DSE: variants seen among roughly 807,000 people sequenced by gnomAD.
DSE encodes dermatan sulfate epimerase.
A neutral mutation model predicts 84.4 loss-of-function variants in DSE; 36 were observed. The ratio of observed to expected loss-of-function variants is 0.43; its 90% confidence interval spans 0.33 to 0.56. DSE has a LOEUF of 0.56. Among genes scored for constraint, DSE ranks in the 20% least tolerant of loss-of-function variants. The pLI is 0.06. For missense variants in DSE, 862 were observed against 1,169.6 expected, an observed-to-expected ratio of 0.74 and a Z score of 3.84; for synonymous variants, 410 against 430.1, an observed-to-expected ratio of 0.95 and a Z score of 0.58.
intron 2 of DSE, among the ~76,000 whole-genome samples, chr6:116,271,100 G>C (rs1014212511): frequency 6.6e-6 from 1 of 152,154 alleles, no homozygotes; most frequent in African/African-American, 2.4e-5. Flanking sequence ...TAATAATATA[G>C]GTAAATGTCT....
At chr6:116,259,155 G>C in intron 2 of DSE, 1 of 981,836 alleles carries the variant, frequency 1.0e-6, no homozygotes, top group East Asian at 2.6e-5. Flanking sequence ...GCTCGACGTA[G>C]ACCATGCGCC....
At chr6:116,282,126 A>G (rs1773580903) in intron 2 of DSE, among the ~76,000 whole-genome samples, 1 of 152,210 alleles carries the variant, frequency 6.6e-6, no homozygotes, top group Non-Finnish European at 1.5e-5. Context: ...AGTCAAGGTA[A>G]TCATTTCAGG....
chr6:116,279,648 A>G (rs1425386245), intron 2 of DSE: 13 of 1,605,604 alleles, frequency 8.1e-6, no homozygotes, highest in Non-Finnish European at 1.1e-5. Flanking sequence ...AAGGCGGTGG[A>G]GGCGGGAGCG....
chr6:116,299,547 TATATACACATACACACACACAC>T (rs1774897793), intron 2 of DSE, among the ~76,000 whole-genome samples: 1 of 50,054 alleles, frequency 2.0e-5, no homozygotes, highest in Admixed American at 2.2e-4. Flanking sequence ...TATATATATA[TATATACACATACACACACACAC>T]ACACATACAT....
chr6:116,282,741 G>A (rs559324116), intron 2 of DSE, among the ~76,000 whole-genome samples: 1 of 152,306 alleles, frequency 6.6e-6, no homozygotes, highest in African/African-American at 2.4e-5. Flanking sequence ...GGAAAGCTCA[G>A]GTTATGATTG....
At chr6:116,311,856 C>T (rs947982505) in intron 2 of DSE, among the ~76,000 whole-genome samples, 20 of 152,094 alleles carry the variant, frequency 1.3e-4, no homozygotes, top group African/African-American at 4.6e-4. Context: ...ATAGTTATCA[C>T]CATCCAAAAT....
Position 116,299,537 on chromosome 6 carries a change from TATATATATATATATACACATAC to T in DSE, c.-54+40572_-54+40593del, listed in dbSNP as rs1472129090. ...ATATATATATATATATATATATATA[TATATATATATATATACACATAC>T]ACACACACACACACATACATATATA... On this transcript the variant is annotated intron_variant, in intron 2 of 3. Coordinates refer to the DSE transcript ENST00000430252. Among the ~76,000 whole-genome samples, 93 of 26,644 alleles carry T rather than the reference TATATATATATATATACACATAC, an allele frequency of 3.5e-3. 3 individuals are homozygous for T. Among genetic ancestry groups the T allele is most frequent in the East Asian group, 0.018 (3 of 168 alleles). The allele number at this position is 26,644 out of a possible 152,430, so 17.5% of individuals were successfully genotyped here.
At position 116,281,864 on chromosome 6, in the gene DSE, A is replaced by G. The variant is rs149416102; in HGVS notation, c.-54+22897A>G. 5.0e-4 allele frequency among the ~76,000 whole-genome samples: 76 copies of G among 152,388 alleles called. No homozygotes were observed. In the East Asian group the frequency reaches 0.014, roughly 28 times the overall value. ...CTCTCCTTCCTATCTGCCACTGGCAAACCAGAGGGCTGCTCTATTCTATAT... is the reference window on the plus strand; with the variant it reads ...CTCTCCTTCCTATCTGCCACTGGCAGACCAGAGGGCTGCTCTATTCTATAT... On this transcript the variant is annotated intron_variant, in intron 2 of 3. Transcript: ENST00000430252.
Position 116,433,470 on chromosome 6 carries a change from C to G in DSE, c.1038C>G (p.Ile346Met). ...NGSGNWLADQIRRNRVVEGPG... is the reference protein window; with the variant it reads ...NGSGNWLADQMRRNRVVEGPG... ...GTGGTAACTGGCTAGCTGACCAAAT[C>G]AGAAGGAACCGTGTGGTGGAAGGTC... The change falls in exon 5 of 6, where the codon ATC becomes ATG. Residue 346 changes from isoleucine to methionine, a missense_variant. Physicochemically the swap from Ile to Met is conservative, Grantham distance 10. Around this residue, in one of 4 missense-constraint regions of DSE, gnomAD observed 309 missense variants for 516.9 expected, o/e 0.60. Coordinates refer to ENST00000644252, the MANE Select transcript of DSE (RefSeq NM_013352.4). 6.4e-7 allele frequency: 1 copy of G among 1,556,818 alleles called. No individual in the cohort carries two copies. Among genetic ancestry groups the G allele is most frequent in the Non-Finnish European group, 8.7e-7 (1 of 1,149,416 alleles).
intron 2 of DSE, among the ~76,000 whole-genome samples, chr6:116,268,040 C>A (rs1032496110): frequency 6.6e-6 from 1 of 152,142 alleles, no homozygotes; most frequent in South Asian, 2.1e-4. Context: ...AGAGCCAAAC[C>A]GTATCAAGTA....
At chr6:116,400,067 C>G (rs910353426) in intron 2 of DSE, 4 of 172,166 alleles carry the variant, frequency 2.3e-5, no homozygotes, top group Non-Finnish European at 5.0e-5. Flanking sequence ...GACTTACTTG[C>G]ATTTTATGAT....
At position 116,372,686 on chromosome 6, in the gene DSE, G is replaced by A. The variant is rs190744917; in HGVS notation, c.-54+1565G>A. 1.1e-4 allele frequency among the ~76,000 whole-genome samples: 16 copies of A among 152,244 alleles called. No homozygotes were observed. The East Asian group carries it at 3.1e-3, about 29-fold the overall frequency. ...ACGATACAGATATAAGTTCTTTTCT[G>A]AAGTATGTAGGTAAGGTCTGTTCTA... On this transcript the variant is annotated intron_variant, in intron 1 of 5. Transcript: ENST00000644252.
intron 2 of DSE, among the ~76,000 whole-genome samples, chr6:116,417,020 T>A (rs1321382871): frequency 3.9e-5 from 6 of 152,220 alleles, no homozygotes; most frequent in African/African-American, 1.4e-4. Flanking sequence ...TTAAAATTTC[T>A]CCATTATAAT....
chr6:116,343,832 C>T (rs563670302), intron 2 of DSE, among the ~76,000 whole-genome samples: 2 of 152,130 alleles, frequency 1.3e-5, no homozygotes, highest in Non-Finnish European at 2.9e-5. Flanking sequence ...TAATAACAAA[C>T]TTCTCTGAGC....
At chr6:116,370,391 C>T (rs923069125), upstream of DSE, 1 of 866,360 alleles carries the variant, frequency 1.2e-6, no homozygotes, top group Non-Finnish European at 1.4e-6. Flanking sequence ...GCCCCAAAGT[C>T]CCCCCTCCCA....
chr6:116,256,429 G>A (rs1250105041), intron 1 of DSE: 1 of 152,140 alleles, frequency 6.6e-6, no homozygotes, highest in Non-Finnish European at 1.5e-5. Context: ...AAGCATTTTT[G>A]TATCTAAACA....
At chr6:116,353,933 C>T (rs771020600) in intron 2 of DSE, among the ~76,000 whole-genome samples, 1 of 152,060 alleles carries the variant, frequency 6.6e-6, no homozygotes, top group Non-Finnish European at 1.5e-5. Context: ...TACTGAGACT[C>T]TTAGAAAATA....
At chr6:116,324,040 A>G (rs1385097668) in intron 2 of DSE, among the ~76,000 whole-genome samples, 1 of 152,200 alleles carries the variant, frequency 6.6e-6, no homozygotes, top group Non-Finnish European at 1.5e-5. Flanking sequence ...AGAGGACAAA[A>G]GAGAAAAGGA....
At chr6:116,279,345 G>C (rs548546340) in intron 2 of DSE, 2 of 1,611,286 alleles carry the variant, frequency 1.2e-6, no homozygotes, top group Admixed American at 1.7e-5. Context: ...CTGCTGAGAC[G>C]GTGGCGCACT....
Sources: gnomAD v4.1 joint callset for allele counts (sites outside exome capture counted in the v4.1 genomes callset) on GRCh38, gnomAD v4.1.1 for gene constraint, gnomAD v4.1.1 regional missense constraint, MANE v1.5 for transcripts, NCBI Gene and HGNC (gene_info 2026-07-23, HGNC 2026-07-21) for gene names.